The following DLGAP2 variants were observed in gnomAD, a reference collection of about 807,000 sequenced individuals.
DLGAP2 encodes the protein DLG associated protein 2, also known as disks large-associated protein 2.
In DLGAP2, 26 loss-of-function variants were observed where a neutral mutation model predicts 100.3. That is an observed-to-expected ratio of 0.26 (90% CI 0.19 to 0.36). The LOEUF is 0.36. Ranked by LOEUF, DLGAP2 falls within the 10% of genes least tolerant of loss-of-function variation. The pLI, the probability that DLGAP2 is intolerant of heterozygous loss-of-function variation, is 1.00. For missense variants in DLGAP2, 1,858 were observed against 1,453.2 expected (o/e 1.28, Z -4.53); for synonymous variants, 886 against 630.1 (o/e 1.41, Z -6.08).
At chr8:1,096,096 T>G (rs1417181112) in intron 2 of DLGAP2, among the ~76,000 whole-genome samples, 1 of 152,224 alleles carries the variant, frequency 6.6e-6, no homozygotes, top group Non-Finnish European at 1.5e-5. Flanking sequence ...CTAAATTATT[T>G]TTCCATTTAC....
intron 3 of DLGAP2, among the ~76,000 whole-genome samples, chr8:1,437,283 A>G (rs886174034): frequency 6.6e-5 from 10 of 152,118 alleles, no homozygotes; most frequent in African/African-American, 2.4e-4. Context: ...CGTTCAGCCC[A>G]GGCATGCAGG....
intron 3 of DLGAP2, among the ~76,000 whole-genome samples, chr8:1,427,255 G>C (rs1797261264): frequency 6.6e-6 from 1 of 152,106 alleles, no homozygotes; most frequent in Admixed American, 6.5e-5. Flanking sequence ...AAAAGGAATT[G>C]CTCAAGCAGA....
intron 2 of DLGAP2, among the ~76,000 whole-genome samples, chr8:1,177,303 G>C (rs1341117952): frequency 1.3e-5 from 2 of 152,002 alleles, no homozygotes; most frequent in Non-Finnish European, 2.9e-5. Flanking sequence ...GTATGTTCTT[G>C]GAGTATTTTT....
intron 2 of DLGAP2, among the ~76,000 whole-genome samples, chr8:1,185,836 C>G (rs1405715777): frequency 6.6e-5 from 10 of 152,172 alleles, no homozygotes; most frequent in Admixed American, 6.5e-4. Flanking sequence ...CACAAACACA[C>G]ATTCAGGAGA....
chr8:1,421,792 C>T (rs1305701427), intron 3 of DLGAP2, among the ~76,000 whole-genome samples: 1 of 151,840 alleles, frequency 6.6e-6, no homozygotes, highest in Non-Finnish European at 1.5e-5. Context: ...GGTGAAACCC[C>T]GTCTCTACTA....
At chr8:1,653,989 C>A (rs947355293) in intron 8 of DLGAP2, among the ~76,000 whole-genome samples, 2 of 152,132 alleles carry the variant, frequency 1.3e-5, no homozygotes, top group Admixed American at 1.3e-4. Context: ...ACATTAGTAA[C>A]TTCAGGTATG....
At chr8:885,730 C>T (rs182433355) in intron 1 of DLGAP2, among the ~76,000 whole-genome samples, 8 of 152,294 alleles carry the variant, frequency 5.3e-5, no homozygotes, top group African/African-American at 1.9e-4. Context: ...CCAGCTTTTG[C>T]TCATTCAATA....
At chr8:1,673,207 A>G (rs1224919037) in intron 10 of DLGAP2, among the ~76,000 whole-genome samples, 1 of 152,230 alleles carries the variant, frequency 6.6e-6, no homozygotes, top group East Asian at 1.9e-4. Context: ...CGTGGGCTCA[A>G]GTGATCCTAC....
intron 2 of DLGAP2, among the ~76,000 whole-genome samples, chr8:984,404 C>T (rs568728945): frequency 6.6e-6 from 1 of 152,312 alleles, no homozygotes; most frequent in Non-Finnish European, 1.5e-5. Flanking sequence ...TTACAGGGCT[C>T]AAAGCCCCTG....
At chr8:1,487,656 T>A (rs1289992806) in intron 3 of DLGAP2, among the ~76,000 whole-genome samples, 1 of 152,210 alleles carries the variant, frequency 6.6e-6, no homozygotes. Flanking sequence ...ACTGATTTCA[T>A]GGTGTAGGAA....
chr8:1,017,930 G>A (rs1471008201), intron 2 of DLGAP2, among the ~76,000 whole-genome samples: 6 of 152,188 alleles, frequency 3.9e-5, no homozygotes, highest in Non-Finnish European at 5.9e-5. Context: ...CACACCTATG[G>A]CTTTGTAGTG....
At chr8:1,036,272 G>A (rs901659065) in intron 2 of DLGAP2, among the ~76,000 whole-genome samples, 2 of 152,282 alleles carry the variant, frequency 1.3e-5, no homozygotes, top group African/African-American at 2.4e-5. Flanking sequence ...ACATGTTCAC[G>A]TGTTTAATGA....
chr8:1,455,991 G>T lies in DLGAP2; in HGVS notation c.107-45375G>T, dbSNP rs564344400. Among the ~76,000 whole-genome samples, 3 of 152,212 alleles carry T rather than the reference G, an allele frequency of 2.0e-5. No homozygotes were observed. In the South Asian group the frequency reaches 6.2e-4, roughly 32 times the overall value. On this transcript the variant is annotated intron_variant, in intron 3 of 14. Coordinates refer to ENST00000637795, the MANE Select transcript of DLGAP2 (RefSeq NM_001346810.2). Reference sequence around the variant, plus strand: ...ATTACACATCATCTTGTCTTAAAAAGACCTGATGCCCCATGATGCACACCA... The same window carrying T: ...ATTACACATCATCTTGTCTTAAAAATACCTGATGCCCCATGATGCACACCA...
intron 2 of DLGAP2, among the ~76,000 whole-genome samples, chr8:913,848 C>T (rs533606499): frequency 1.0e-3 from 158 of 152,314 alleles, no homozygotes; most frequent in South Asian, 3.7e-3. Flanking sequence ...CAGAACAGCA[C>T]GGTGTGGACC....
intron 1 of DLGAP2, among the ~76,000 whole-genome samples, chr8:748,745 C>T (rs1820716201): frequency 6.6e-6 from 1 of 152,182 alleles, no homozygotes. Context: ...TCCTTAGAGC[C>T]CTCCTCTGCA....
At chr8:1,113,888 T>G (rs1004308658) in intron 2 of DLGAP2, among the ~76,000 whole-genome samples, 7 of 152,162 alleles carry the variant, frequency 4.6e-5, no homozygotes, top group Non-Finnish European at 8.8e-5. Context: ...CCTAGTATAT[T>G]GAGAATTTTT....
intron 3 of DLGAP2, among the ~76,000 whole-genome samples, chr8:1,407,887 C>G (rs1584867167): frequency 6.6e-6 from 1 of 151,490 alleles, no homozygotes; most frequent in Non-Finnish European, 1.5e-5. Context: ...TCCTTGTCCT[C>G]TGGAGTCATG....
intron 4 of DLGAP2, among the ~76,000 whole-genome samples, chr8:1,525,839 C>A (rs1014792508): frequency 6.6e-6 from 1 of 152,178 alleles, no homozygotes; most frequent in African/African-American, 2.4e-5. Context: ...TTGGCCTCAT[C>A]TCCTGTGTGA....
At chr8:1,312,040 A>T (rs1208756485) in intron 3 of DLGAP2, among the ~76,000 whole-genome samples, 2 of 152,196 alleles carry the variant, frequency 1.3e-5, no homozygotes, top group African/African-American at 2.4e-5. Context: ...GAACTGAGTG[A>T]TACCATCAAT....
Sources: allele counts gnomAD v4.1 joint callset (sites outside exome capture counted in the v4.1 genomes callset), GRCh38; gene constraint gnomAD v4.1.1; transcripts MANE v1.5; gene names NCBI Gene and HGNC (gene_info 2026-07-23, HGNC 2026-07-21).